Variants in MARCHF11 observed in about 807,000 individuals in gnomAD.
The protein encoded by MARCHF11 is membrane associated ring-CH-type finger 11.
Under a neutral mutation model 37.3 loss-of-function variants are expected in MARCHF11, and 29 were observed. The observed-to-expected ratio is 0.78, with a 90% confidence interval of 0.58 to 1.06. The LOEUF (loss-of-function observed/expected upper bound fraction) is 1.06. MARCHF11 is among the 50% of genes least tolerant of loss of function. MARCHF11 has a pLI of 0.00. For synonymous variants in MARCHF11, 233 were observed against 228.0 expected (o/e 1.02, Z -0.20); for missense variants, 482 against 533.4 (o/e 0.90, Z 0.95).
chr5:16,177,650 C>A, intron 2 of MARCHF11, 76 bp downstream of exon 2: 1 of 1,244,188 alleles, frequency 8.0e-7, no homozygotes, highest in South Asian at 2.1e-5. Context: ...AGTAAATATC[C>A]TTAGTAATAA....
At position 16,159,234 on chromosome 5, in the gene MARCHF11, A is replaced by G. The variant is rs6880397; in HGVS notation, c.693+18492T>C. Among the ~76,000 whole-genome samples the G allele has an allele frequency of 9.8e-3, 1,486 of 151,716 alleles. 30 individuals carry two copies. Among genetic ancestry groups the G allele is most frequent in the African/African-American group, 0.034 (1,402 of 41,374 alleles). On this transcript the variant is annotated intron_variant, in intron 2 of 3. Transcript: ENST00000332432. ...GTTTAATAAGTTTTATGGACACACCATCATACAACAGAAGCTTCCTGCTCC... is the reference window on the plus strand; with the variant it reads ...GTTTAATAAGTTTTATGGACACACCGTCATACAACAGAAGCTTCCTGCTCC...
intron 2 of MARCHF11, among the ~76,000 whole-genome samples, chr5:16,151,344 T>C (rs1192557088): frequency 6.6e-6 from 1 of 152,014 alleles, no homozygotes; most frequent in Non-Finnish European, 1.5e-5. Context: ...CTCATGCATA[T>C]GTTATTTCAA....
intron 2 of MARCHF11, among the ~76,000 whole-genome samples, chr5:16,112,887 G>A (rs192929393): frequency 5.1e-4 from 77 of 152,240 alleles, no homozygotes; most frequent in African/African-American, 1.7e-3. Flanking sequence ...CATGGGAGCC[G>A]ATGGTTTTAT....
chr5:16,097,440 T>C (rs907007400), intron 2 of MARCHF11, among the ~76,000 whole-genome samples: 1 of 152,116 alleles, frequency 6.6e-6, no homozygotes, highest in African/African-American at 2.4e-5. Flanking sequence ...CTAAACAACC[T>C]AGAGAAAATC....
chr5:16,172,833 A>G (rs2126610989), intron 2 of MARCHF11, among the ~76,000 whole-genome samples: 1 of 152,314 alleles, frequency 6.6e-6, no homozygotes, highest in Non-Finnish European at 1.5e-5. Context: ...ATGTCTTACA[A>G]GAAGGTCTGG....
intron 2 of MARCHF11, among the ~76,000 whole-genome samples, chr5:16,126,893 A>G (rs1737418559): frequency 6.6e-6 from 1 of 152,172 alleles, no homozygotes; most frequent in South Asian, 2.1e-4. Context: ...GAAGAAGTCA[A>G]ATTAACAACT....
intron 2 of MARCHF11, among the ~76,000 whole-genome samples, chr5:16,113,736 T>C (rs1280929710): frequency 6.6e-6 from 1 of 152,240 alleles, no homozygotes; most frequent in Admixed American, 6.5e-5. Flanking sequence ...GAAGAAATCA[T>C]GATATTTAGG....
At chr5:16,097,355 G>A (rs763999024) in intron 2 of MARCHF11, among the ~76,000 whole-genome samples, 1 of 152,116 alleles carries the variant, frequency 6.6e-6, no homozygotes, top group African/African-American at 2.4e-5. Flanking sequence ...TGCTAGAAAA[G>A]CATTTTCACA....
At chr5:16,116,014 A>G (rs1737221165) in intron 2 of MARCHF11, among the ~76,000 whole-genome samples, 1 of 152,200 alleles carries the variant, frequency 6.6e-6, no homozygotes, top group Non-Finnish European at 1.5e-5. Flanking sequence ...TGTGAGGTAG[A>G]GAATCATTAG....
At chr5:16,084,947 T>G (rs1045512497) in intron 3 of MARCHF11, among the ~76,000 whole-genome samples, 1 of 152,108 alleles carries the variant, frequency 6.6e-6, no homozygotes, top group Non-Finnish European at 1.5e-5. Flanking sequence ...GAGATATTTT[T>G]GGTTCCTCAT....
At chr5:16,160,090 T>G (rs916098474) in intron 2 of MARCHF11, among the ~76,000 whole-genome samples, 1 of 151,602 alleles carries the variant, frequency 6.6e-6, no homozygotes, top group Admixed American at 6.6e-5. Context: ...CCCCTATAAC[T>G]GGCCAGTGGC....
chr5:16,102,483 G>A (rs1032945542), intron 2 of MARCHF11, among the ~76,000 whole-genome samples: 3 of 152,134 alleles, frequency 2.0e-5, no homozygotes, highest in Admixed American at 6.5e-5. Context: ...CCAGACCCCA[G>A]ACTCAACACA....
intron 3 of MARCHF11, among the ~76,000 whole-genome samples, chr5:16,077,287 T>C (rs57167980): frequency 0.013 from 1,991 of 152,218 alleles, 37 homozygotes; most frequent in African/African-American, 0.041. Flanking sequence ...CTTTTCCTAG[T>C]GGCAAGTGAA....
chr5:16,107,494 G>A (rs1737063692), intron 2 of MARCHF11, among the ~76,000 whole-genome samples: 1 of 152,134 alleles, frequency 6.6e-6, no homozygotes, highest in African/African-American at 2.4e-5. Context: ...AAGGTGGCTT[G>A]TATCTCCCAA....
At position 16,179,706 on chromosome 5, in the gene MARCHF11, G is replaced by A. The variant is rs1738443734; in HGVS notation, c.-131C>T. 1 of 513,646 alleles carries A rather than the reference G, an allele frequency of 1.9e-6. No individual in the cohort carries two copies. Among genetic ancestry groups the A allele is most frequent in the Non-Finnish European group, 2.7e-6 (1 of 368,422 alleles). 31.8% of individuals were successfully genotyped at this position (513,646 alleles called of 1,614,324 possible). A position where few individuals can be genotyped will look rare whatever the true frequency, so the allele number is the denominator to read the frequency against. On this transcript the variant is annotated 5_prime_UTR_variant, in exon 1 of 4. Coordinates refer to ENST00000332432, the MANE Select transcript of MARCHF11 (RefSeq NM_001102562.3). ...GGGGGCCCGGACGCCTGGGGCTAGG[G>A]GGCGGGACGGGGAGGGGATGCGGAA...
chr5:16,085,018 A>G (rs896826637), intron 3 of MARCHF11, among the ~76,000 whole-genome samples: 4 of 149,464 alleles, frequency 2.7e-5, no homozygotes, highest in Non-Finnish European at 4.4e-5. Flanking sequence ...GTGTGCGCCT[A>G]TATCTCTTCC....
At chr5:16,158,239 T>C (rs1228016842) in intron 2 of MARCHF11, among the ~76,000 whole-genome samples, 2 of 151,896 alleles carry the variant, frequency 1.3e-5, no homozygotes, top group African/African-American at 2.4e-5. Flanking sequence ...TGTAAATTAG[T>C]ACAGACATTA....
intron 2 of MARCHF11, among the ~76,000 whole-genome samples, chr5:16,121,923 C>G (rs1737314883): frequency 2.0e-5 from 3 of 152,198 alleles, no homozygotes. Context: ...CTGCCAGGTA[C>G]TAGTCTATGT....
At chr5:16,109,362 C>T (rs1275221655) in intron 2 of MARCHF11, among the ~76,000 whole-genome samples, 2 of 152,124 alleles carry the variant, frequency 1.3e-5, no homozygotes, top group African/African-American at 4.8e-5. Flanking sequence ...AGGTTGAGTC[C>T]GTCACCAATG....
Sources: gnomAD v4.1 joint callset for allele counts (sites outside exome capture counted in the v4.1 genomes callset) on GRCh38, gnomAD v4.1.1 for gene constraint, MANE v1.5 for transcripts, NCBI Gene and HGNC (gene_info 2026-07-23, HGNC 2026-07-21) for gene names.